SNX29: variants seen among roughly 807,000 people sequenced by gnomAD.
The protein encoded by SNX29 is sorting nexin-29.
Under a neutral mutation model 102.1 loss-of-function variants are expected in SNX29, and 78 were observed. The observed-to-expected ratio is 0.76, with a 90% CI of 0.64 to 0.92. The LOEUF (loss-of-function observed/expected upper bound fraction) is 0.92. Ranked by LOEUF, SNX29 falls within the 40% of genes least tolerant of loss-of-function variation. The pLI is 0.00. For missense variants in SNX29, 1,280 were observed against 1,061.7 expected (o/e 1.21, Z -2.86); for synonymous variants, 580 against 414.5 (o/e 1.40, Z -4.85).
chr16:12,126,037 T>G (rs1342967874), intron 11 of SNX29, among the ~76,000 whole-genome samples: 1 of 152,144 alleles, frequency 6.6e-6, no homozygotes, highest in African/African-American at 2.4e-5. Flanking sequence ...TACTATCTAG[T>G]CTGCTGCTCT....
In SNX29 at chr16:12,024,542, G is replaced by A. The variant is rs140436203; in HGVS notation, c.123-2778G>A. ...GGTGTTAAGTAGAACGGCCTTTGGC[G>A]AGGAAGGCATCATAGTGATCTAATT... On this transcript the variant is annotated intron_variant, in intron 3 of 20. Coordinates refer to ENST00000566228, the MANE Select transcript of SNX29 (RefSeq NM_032167.5). Among the ~76,000 whole-genome samples the A allele has an allele frequency of 4.2e-3, 639 of 152,334 alleles. 2 individuals carry two copies. The highest frequency in any genetic ancestry group is 7.3e-3 in the South Asian group (35 of 4,826).
chr16:12,560,418 T>C (rs931350426), intron 20 of SNX29, among the ~76,000 whole-genome samples: 2 of 152,186 alleles, frequency 1.3e-5, no homozygotes, highest in African/African-American at 4.8e-5. Context: ...ACAGTGTCTG[T>C]CCTGTAGGCA....
intron 20 of SNX29, among the ~76,000 whole-genome samples, chr16:12,541,075 A>C (rs959497009): frequency 6.6e-6 from 1 of 152,184 alleles, no homozygotes; most frequent in Non-Finnish European, 1.5e-5. Flanking sequence ...GTTATTGACT[A>C]GCTGCCTCAT....
chr16:12,013,918 T>G (rs2056762805), intron 3 of SNX29, among the ~76,000 whole-genome samples: 1 of 151,990 alleles, frequency 6.6e-6, no homozygotes, highest in Non-Finnish European at 1.5e-5. Context: ...CCCAAAGTGC[T>G]AGGATTACAG....
chr16:12,511,752 G>A (rs917508446), intron 19 of SNX29, among the ~76,000 whole-genome samples: 1 of 152,128 alleles, frequency 6.6e-6, no homozygotes, highest in African/African-American at 2.4e-5. Context: ...CCAGGGATTG[G>A]GGCTATGATC....
chr16:12,080,308 G>A (rs1053710928), intron 11 of SNX29, among the ~76,000 whole-genome samples: 3 of 152,186 alleles, frequency 2.0e-5, no homozygotes, highest in African/African-American at 7.2e-5. Flanking sequence ...AGCAGGAAGT[G>A]AGCAGACACC....
chr16:12,440,559 T>C (rs1409811841), intron 18 of SNX29, among the ~76,000 whole-genome samples: 1 of 152,190 alleles, frequency 6.6e-6, no homozygotes, highest in Non-Finnish European at 1.5e-5. Flanking sequence ...AGCCGAGTCC[T>C]CATTAGTTAT....
Position 12,126,704 on chromosome 16 carries a change from G to A in SNX29, c.1466+8G>A, listed in dbSNP as rs991391927. The A allele has an allele frequency of 6.2e-7, 1 of 1,613,854 alleles. No individual in the cohort carries two copies. Among genetic ancestry groups the A allele is most frequent in the Non-Finnish European group, 8.5e-7 (1 of 1,179,812 alleles). On this transcript the variant is annotated splice_region_variant and intron_variant, in intron 12 of 20. Coordinates refer to ENST00000566228, the MANE Select transcript of SNX29 (RefSeq NM_032167.5). ...GCTGGAGGAGGAGAACAGGTACCGT[G>A]ATTTTCAGGCTTGAGGAATAGCCTC...
At chr16:12,330,516 G>C (rs1010940713) in intron 15 of SNX29, among the ~76,000 whole-genome samples, 2 of 152,156 alleles carry the variant, frequency 1.3e-5, no homozygotes, top group Non-Finnish European at 2.9e-5. Context: ...CTTTCACTGC[G>C]AACTGTTTAA....
intron 10 of SNX29, among the ~76,000 whole-genome samples, chr16:12,073,604 G>C (rs1202057783): frequency 1.3e-5 from 2 of 151,988 alleles, no homozygotes; most frequent in African/African-American, 4.8e-5. Context: ...GGTCAATTTT[G>C]GAATAGATGT....
At chr16:12,237,436 G>C (rs1205054883) in intron 14 of SNX29, among the ~76,000 whole-genome samples, 1 of 152,210 alleles carries the variant, frequency 6.6e-6, no homozygotes, top group Admixed American at 6.5e-5. Flanking sequence ...TGACCATCAT[G>C]TTGCTGTTCT....
rs533860223 is a variant in SNX29, at chr16:12,570,881, C to T, written c.*2252C>T. On this transcript the variant is annotated 3_prime_UTR_variant, in exon 21 of 21. Transcript: ENST00000566228. ...GAAACTGCCTCCTACTTTTATAATA[C>T]TGAATTATTCACAAAAAACCTGGTC... 6 of 231,492 alleles carry T rather than the reference C, an allele frequency of 2.6e-5. No individual in the cohort carries two copies. Among genetic ancestry groups the T allele is most frequent in the Non-Finnish European group, 3.4e-5 (4 of 117,182 alleles). 14.3% of individuals were successfully genotyped at this position (231,492 alleles called of 1,614,324 possible). A position where few individuals can be genotyped will look rare whatever the true frequency, so the allele number is the denominator to read the frequency against.
At chr16:12,379,031 A>C (rs1010613677) in intron 16 of SNX29, among the ~76,000 whole-genome samples, 2 of 152,212 alleles carry the variant, frequency 1.3e-5, no homozygotes, top group Admixed American at 1.3e-4. Flanking sequence ...CTTGGATCAC[A>C]TCTCTTGGAA....
At chr16:12,509,790 C>G (rs910148048) in intron 19 of SNX29, among the ~76,000 whole-genome samples, 2 of 152,302 alleles carry the variant, frequency 1.3e-5, no homozygotes, top group Non-Finnish European at 2.9e-5. Flanking sequence ...AGATCCACCC[C>G]TCCATTCCGC....
At chr16:12,404,868 C>G (rs1432696282) in intron 18 of SNX29, among the ~76,000 whole-genome samples, 1 of 152,174 alleles carries the variant, frequency 6.6e-6, no homozygotes, top group Non-Finnish European at 1.5e-5. Flanking sequence ...TGTGCTTGGT[C>G]TCAGGTCTAA....
At chr16:12,257,281 C>T (rs554607772) in intron 14 of SNX29, among the ~76,000 whole-genome samples, 2 of 152,304 alleles carry the variant, frequency 1.3e-5, no homozygotes, top group South Asian at 2.1e-4. Flanking sequence ...CTGTGGTTGT[C>T]TTCTGCCATC....
chr16:12,256,072 G>A (rs924698162), intron 14 of SNX29, among the ~76,000 whole-genome samples: 1 of 152,174 alleles, frequency 6.6e-6, no homozygotes, highest in Non-Finnish European at 1.5e-5. Flanking sequence ...CATCTTAACA[G>A]GTGTGAGGTG....
In SNX29 at chr16:12,332,244, G is replaced by GTGTGTGTT. The variant is rs1401260790; in HGVS notation, c.1783-23911_1783-23904dup. On this transcript the variant is annotated intron_variant, in intron 15 of 20. Coordinates refer to ENST00000566228, the MANE Select transcript of SNX29 (RefSeq NM_032167.5). Reference sequence around the variant, plus strand: ...GTGCGGTGTGTGCACTTGCGTCCTTGTGTGTGTTTGTGTGTGTGTGCACGG... The same window carrying GTGTGTGTT: ...GTGCGGTGTGTGCACTTGCGTCCTTGTGTGTGTTTGTGTGTTTGTGTGTGTGTGCACGG... Among the ~76,000 whole-genome samples, 8 of 152,112 alleles carry GTGTGTGTT rather than the reference G, an allele frequency of 5.3e-5. 1 individual carries two copies. In the South Asian group the frequency reaches 6.2e-4, roughly 12 times the overall value.
In SNX29 at chr16:12,510,461, G is replaced by C. The variant is rs900811297; in HGVS notation, c.2179-14241G>C. Among the ~76,000 whole-genome samples, 8 of 152,182 alleles carry C rather than the reference G, an allele frequency of 5.3e-5. No homozygotes were observed. In the East Asian group the frequency reaches 1.6e-3, roughly 30 times the overall value. The stretch of plus-strand genomic sequence containing the variant: ...GGCTGAGGCGGGTGGATCACTTGAG[G>C]TCAGAGTTCGAGACCAGCCTGACCA... On this transcript the variant is annotated intron_variant, in intron 19 of 20. Coordinates refer to ENST00000566228, the MANE Select transcript of SNX29 (RefSeq NM_032167.5).
Sources: allele counts gnomAD v4.1 joint callset (sites outside exome capture counted in the v4.1 genomes callset), GRCh38; gene constraint gnomAD v4.1.1; transcripts MANE v1.5; gene names NCBI Gene and HGNC (gene_info 2026-07-23, HGNC 2026-07-21).